The following SI variants were observed in gnomAD, a reference collection of about 807,000 sequenced individuals.
SI encodes sucrase-isomaltase, intestinal.
A neutral mutation model predicts 253.3 loss-of-function variants in SI; 235 were observed. The ratio of observed to expected loss-of-function variants is 0.93; its 90% CI spans 0.83 to 1.03. The LOEUF is 1.03. SI is among the 50% of genes least tolerant of loss of function. The pLI is 0.00. For synonymous variants in SI, 819 were observed against 712.0 expected (o/e 1.15, Z -2.39); for missense variants, 2,442 against 2,211.1 (o/e 1.10, Z -2.09).
intron 7 of SI, among the ~76,000 whole-genome samples, chr3:165,063,770 A>G (rs1337057320): frequency 6.7e-6 from 1 of 149,994 alleles, no homozygotes; most frequent in Non-Finnish European, 1.5e-5. Flanking sequence ...TAACATATAT[A>G]ATACTATTAA....
intron 16 of SI, among the ~76,000 whole-genome samples, chr3:165,044,085 A>G (rs1360938172): frequency 6.6e-6 from 1 of 152,026 alleles, no homozygotes; most frequent in Non-Finnish European, 1.5e-5. Flanking sequence ...TTCCTGAACA[A>G]AATTATATAA....
intron 28 of SI, among the ~76,000 whole-genome samples, chr3:165,019,229 C>T (rs560889319): frequency 2.6e-5 from 4 of 151,854 alleles, no homozygotes; most frequent in South Asian, 2.1e-4. Flanking sequence ...CAAATCAGTA[C>T]CTGAGAAGTA....
At chr3:164,981,701 C>G (rs569057300) in intron 47 of SI, among the ~76,000 whole-genome samples, 2 of 152,172 alleles carry the variant, frequency 1.3e-5, no homozygotes, top group Non-Finnish European at 2.9e-5. Context: ...TGATCATTTA[C>G]TTGCATTTTT....
At chr3:165,039,216 G>A (rs545045391) in intron 19 of SI, 82 bp from the exon 20 acceptor site, 3 of 950,170 alleles carry the variant, frequency 3.2e-6, no homozygotes, top group African/African-American at 3.3e-5. Flanking sequence ...GGTTTTCATA[G>A]TCAAGGGAAA....
chr3:165,059,061 G>A lies in SI; in HGVS notation c.1300C>T (p.Arg434Ter), dbSNP rs982849547. The change falls in exon 12 of 48, where the codon CGA (arginine) becomes TGA (stop). Residue 434 changes from arginine (R) to a stop codon, truncating the protein, a stop_gained. Coordinates refer to ENST00000264382, the MANE Select transcript of SI (RefSeq NM_001041.4). LOFTEE classifies it high-confidence loss of function. ...GCATATGTTGTTCCATTGGCACGTC[G>A]ACCTATGGAAATTGCAGGGTCCTAA... ...IILDPAISIG[R>*]RANGTTYATY... The A allele has an allele frequency of 1.6e-5, 25 of 1,612,036 alleles. No homozygotes were observed. The highest frequency in any genetic ancestry group is 2.7e-5 in the African/African-American group (2 of 74,718).
chr3:164,989,373 G>GAAGGAAGA (rs1717600798), intron 44 of SI, among the ~76,000 whole-genome samples: 2 of 120,612 alleles, frequency 1.7e-5, no homozygotes, highest in South Asian at 2.9e-4. Flanking sequence ...AGAAAGAAAG[G>GAAGGAAGA]AAGAAAGAAA....
intron 9 of SI, among the ~76,000 whole-genome samples, chr3:165,061,219 T>C (rs1377715251): frequency 1.3e-5 from 2 of 151,928 alleles, no homozygotes; most frequent in Non-Finnish European, 2.9e-5. Context: ...AATATTCTTT[T>C]TGAAATAGTT....
At chr3:165,019,039 T>C (rs558712088) in intron 28 of SI, among the ~76,000 whole-genome samples, 13 of 151,964 alleles carry the variant, frequency 8.6e-5, no homozygotes, top group African/African-American at 3.1e-4. Context: ...TTTGGAATAT[T>C]ATAGATAATA....
chr3:165,062,783 G>T (rs1576917733), intron 8 of SI, among the ~76,000 whole-genome samples: 1 of 151,956 alleles, frequency 6.6e-6, no homozygotes, highest in African/African-American at 2.4e-5. Flanking sequence ...GCGACCAAAA[G>T]ATTTTTCTCT....
chr3:164,998,662 T>C lies in SI; in HGVS notation c.4418A>G (p.Lys1473Arg), dbSNP rs528294901. The change falls in exon 38 of 48, where the codon AAG (lysine) becomes AGG (arginine). Residue 1473 changes from lysine (K) to arginine (R), a missense_variant. By Grantham distance (26) the Lys-to-Arg change is conservative. Coordinates refer to ENST00000264382, the MANE Select transcript of SI (RefSeq NM_001041.4). ...QMKPTHDALQ[K>R]TTGKRGIVIS... is the part of the protein sequence containing the mutation. ...TACAATCCCTCTTTTTCCAGTTGTC[T>C]TCTGCAATGCACTAATATAGTAGAG... 1.7e-4 allele frequency: 267 copies of C among 1,611,048 alleles called. 2 individuals carry two copies. The South Asian group carries it at 2.8e-3, about 17-fold the overall frequency.
In SI at chr3:165,004,643, A is replaced by G. The variant is rs551027657; in HGVS notation, c.4406+2173T>C. Among the ~76,000 whole-genome samples, 139 of 152,290 alleles carry G rather than the reference A, an allele frequency of 9.1e-4. 1 individual carries two copies. The Middle Eastern group carries it at 0.01, about 11-fold the overall frequency. On this transcript the variant is annotated intron_variant, in intron 37 of 47. Coordinates refer to ENST00000264382, the MANE Select transcript of SI (RefSeq NM_001041.4). ...GAATAAAATCCTGTCATTTGCAACG[A>G]CATGTAGGAAACTGGAAGTCATTAA...
chr3:165,059,117 A>T, intron 11 of SI, 35 bp from the exon 12 acceptor site: 2 of 1,558,738 alleles, frequency 1.3e-6, no homozygotes, highest in Non-Finnish European at 1.7e-6. Flanking sequence ...AAAATCTATT[A>T]ACTTACACGT....
chr3:165,011,130 T>C (rs966669109), intron 34 of SI, among the ~76,000 whole-genome samples: 4 of 152,176 alleles, frequency 2.6e-5, no homozygotes, highest in Admixed American at 1.3e-4. Context: ...TTTTTACTCC[T>C]CTAATCTTTA....
Position 164,996,740 on chromosome 3 carries a change from A to G in SI, c.4573T>C (p.Tyr1525His), listed in dbSNP as rs1718028900. ...ATAAAAGGAATAAAACTACTTACAT[A>G]TGACATTCCAAACAGACTAAATTCC... is the stretch of plus-strand genomic sequence containing the variant. ...MMEFSLFGMS[Y>H]TGADICGFFN... Residue 1525 changes from tyrosine to histidine, a missense_variant and splice_region_variant, in exon 39 of 48, where the codon TAT becomes CAT. Coordinates refer to ENST00000264382, the MANE Select transcript of SI (RefSeq NM_001041.4). 9 of 1,143,826 alleles carry G rather than the reference A, an allele frequency of 7.9e-6. No individual in the cohort carries two copies. The highest frequency in any genetic ancestry group is 1.2e-5 in the Non-Finnish European group (9 of 764,980). The allele number at this position is 1,143,826 out of a possible 1,614,324, so 70.9% of individuals were successfully genotyped here.
At chr3:165,011,608 T>G (rs894109922) in intron 34 of SI, among the ~76,000 whole-genome samples, 3 of 151,996 alleles carry the variant, frequency 2.0e-5, no homozygotes, top group Non-Finnish European at 4.4e-5. Context: ...TCTACGTATG[T>G]CTGTTAAGTC....
chr3:165,069,237 T>C, intron 3 of SI, 42 bp from the exon 4 acceptor site: 1 of 1,229,936 alleles, frequency 8.1e-7, no homozygotes, highest in Admixed American at 1.7e-5. Context: ...TTACTACTAT[T>C]ATCAGATGTC....
In SI at chr3:165,065,288, A is replaced by C. The variant is rs758621325; in HGVS notation, c.780T>G (p.Ile260Met). ...RHDLSWKTWP[I>M]FTRDQLPGDN... The stretch of plus-strand genomic sequence containing the variant: ...CACCAGGAAGTTGGTCTCGAGTAAA[A>C]ATTGGCCATGTTTTCCAGGATAAAT... Residue 260 changes from isoleucine to methionine, a missense_variant, in exon 7 of 48, where the codon ATT becomes ATG. Physicochemically the swap from Ile to Met is conservative, Grantham distance 10. Transcript: ENST00000264382. 129 of 1,607,578 alleles carry C rather than the reference A, an allele frequency of 8.0e-5. 1 individual carries two copies. In the East Asian group the frequency reaches 2.9e-3, roughly 36 times the overall value.
intron 15 of SI, among the ~76,000 whole-genome samples, chr3:165,048,584 T>TATAGAG (rs779292188): frequency 0.031 from 3,837 of 125,144 alleles, 88 homozygotes; most frequent in Non-Finnish European, 0.043. Flanking sequence ...TATATATATA[T>TATAGAG]AGAGAGAGAG....
chr3:165,026,765 C>A (rs1034782898), intron 25 of SI, among the ~76,000 whole-genome samples: 8 of 150,988 alleles, frequency 5.3e-5, no homozygotes, highest in Non-Finnish European at 1.0e-4. Flanking sequence ...AAAAAGTCTT[C>A]TAACTGAATG....
Sources: allele counts gnomAD v4.1 joint callset (sites outside exome capture counted in the v4.1 genomes callset), GRCh38; gene constraint gnomAD v4.1.1; transcripts MANE v1.5; gene names NCBI Gene and HGNC (gene_info 2026-07-23, HGNC 2026-07-21).